NPAS3: variants seen among roughly 807,000 people sequenced by gnomAD.
The protein encoded by NPAS3 is neuronal PAS domain protein 3.
Under a neutral mutation model 73.1 loss-of-function variants are expected in NPAS3, and 14 were observed. The observed-to-expected ratio is 0.19, with a 90% CI of 0.13 to 0.30. The LOEUF (loss-of-function observed/expected upper bound fraction) is 0.30. NPAS3 is among the 10% of genes least tolerant of loss of function. The pLI is 1.00. For synonymous variants in NPAS3, 620 were observed against 541.5 expected (o/e 1.14, Z -2.01); for missense variants, 1,096 against 1,250.0 (o/e 0.88, Z 1.86).
At chr14:33,052,316 C>T (rs1174487100) in intron 1 of NPAS3, among the ~76,000 whole-genome samples, 2 of 152,138 alleles carry the variant, frequency 1.3e-5, no homozygotes, top group Non-Finnish European at 2.9e-5. Context: ...GGTAGCTTAT[C>T]TTCCCTGATA....
chr14:32,946,340 A>ACG (rs1424763574), intron 1 of NPAS3, among the ~76,000 whole-genome samples: 4 of 98,756 alleles, frequency 4.1e-5, no homozygotes, highest in Admixed American at 1.2e-4. Context: ...CCCAACACAC[A>ACG]CACACGCGCA....
chr14:33,312,277 A>G (rs2043033235), intron 3 of NPAS3, among the ~76,000 whole-genome samples: 1 of 152,094 alleles, frequency 6.6e-6, no homozygotes, highest in African/African-American at 2.4e-5. Context: ...CCTTCGAGTT[A>G]TCTTTAGACT....
intron 3 of NPAS3, among the ~76,000 whole-genome samples, chr14:33,279,592 G>C (rs2041498092): frequency 6.6e-6 from 1 of 152,112 alleles, no homozygotes; most frequent in Admixed American, 6.6e-5. Flanking sequence ...TAGACATACT[G>C]AATCAGATTC....
intron 5 of NPAS3, among the ~76,000 whole-genome samples, chr14:33,625,702 C>G (rs898636450): frequency 9.9e-5 from 15 of 152,216 alleles, no homozygotes; most frequent in African/African-American, 3.4e-4. Context: ...CTGATTAATT[C>G]TATAAGCAAC....
chr14:33,123,353 C>A (rs148328096), intron 2 of NPAS3, among the ~76,000 whole-genome samples: 2 of 151,966 alleles, frequency 1.3e-5, no homozygotes, highest in African/African-American at 4.8e-5. Context: ...ACAAGAGCAC[C>A]GTGTCAGGGA....
chr14:33,179,692 G>T (rs555345958), intron 2 of NPAS3, among the ~76,000 whole-genome samples: 1 of 152,074 alleles, frequency 6.6e-6, no homozygotes, highest in African/African-American at 2.4e-5. Flanking sequence ...TACAACTAAA[G>T]AATACCATAC....
intron 3 of NPAS3, among the ~76,000 whole-genome samples, chr14:33,241,887 C>T (rs1327584971): frequency 1.3e-5 from 2 of 151,988 alleles, no homozygotes; most frequent in Non-Finnish European, 2.9e-5. Flanking sequence ...GCATTTAAAA[C>T]TTTGCATGGT....
chr14:33,128,236 G>A lies in NPAS3; in HGVS notation c.140+72242G>A, dbSNP rs191329145. ...AACGAATAAAAGCAAAGACAAAACA[G>A]ATAATAAGTAATCAAATTGGTTTAT... On this transcript the variant is annotated intron_variant, in intron 2 of 11. Coordinates refer to ENST00000356141, the Ensembl canonical transcript of NPAS3. Among the ~76,000 whole-genome samples the A allele has an allele frequency of 3.3e-5, 5 of 152,238 alleles. No homozygotes were observed. The East Asian group carries it at 7.7e-4, about 24-fold the overall frequency.
intron 1 of NPAS3, among the ~76,000 whole-genome samples, chr14:32,948,612 A>G (rs943771202): frequency 6.6e-6 from 1 of 152,088 alleles, no homozygotes; most frequent in Non-Finnish European, 1.5e-5. Context: ...GCATATGATT[A>G]TGGTTCAAAA....
chr14:33,685,379 C>A (rs2060060962), intron 6 of NPAS3, among the ~76,000 whole-genome samples: 2 of 152,204 alleles, frequency 1.3e-5, no homozygotes, highest in Admixed American at 6.5e-5. Flanking sequence ...TATTTAGGAA[C>A]ACATTGCTTT....
intron 2 of NPAS3, among the ~76,000 whole-genome samples, chr14:33,093,682 G>T (rs767610495): frequency 2.6e-5 from 4 of 152,008 alleles, no homozygotes; most frequent in African/African-American, 9.7e-5. Context: ...ATGTTTATTG[G>T]GGCACTATTC....
At chr14:33,438,272 C>A (rs1023634077) in intron 4 of NPAS3, among the ~76,000 whole-genome samples, 1 of 152,140 alleles carries the variant, frequency 6.6e-6, no homozygotes, top group East Asian at 1.9e-4. Context: ...CATACTCTTA[C>A]CCCATTTTTA....
chr14:33,305,677 A>G (rs1216316043), intron 3 of NPAS3, among the ~76,000 whole-genome samples: 1 of 152,154 alleles, frequency 6.6e-6, no homozygotes, highest in Non-Finnish European at 1.5e-5. Flanking sequence ...TAGCCTTCTA[A>G]AAAGTCACCA....
intron 3 of NPAS3, among the ~76,000 whole-genome samples, chr14:33,315,361 T>C (rs1197178387): frequency 1.3e-5 from 2 of 152,076 alleles, no homozygotes; most frequent in Non-Finnish European, 2.9e-5. Context: ...TAATAGATTC[T>C]TTATTGTGTT....
At chr14:33,524,089 C>T (rs2053682495) in intron 4 of NPAS3, among the ~76,000 whole-genome samples, 1 of 152,088 alleles carries the variant, frequency 6.6e-6, no homozygotes, top group African/African-American at 2.4e-5. Flanking sequence ...GTTATCTTTT[C>T]ATATTTTGCT....
intron 3 of NPAS3, among the ~76,000 whole-genome samples, chr14:33,252,764 A>T (rs2048636539): frequency 6.6e-6 from 1 of 151,882 alleles, no homozygotes; most frequent in South Asian, 2.1e-4. Context: ...TGTACCCAAT[A>T]GGTAATTGTG....
rs2042362822 is a variant in NPAS3 at position 33,095,110 on chromosome 14, G to A, written c.140+39116G>A. On this transcript the variant is annotated intron_variant, in intron 2 of 11. Coordinates refer to ENST00000356141, the Ensembl canonical transcript of NPAS3. ...CAGAGTTCCAGATGACCATCAAAGTGACATTTAAAAATATTGCTAGTCTGA... is the reference window on the plus strand; with the variant it reads ...CAGAGTTCCAGATGACCATCAAAGTAACATTTAAAAATATTGCTAGTCTGA... Among the ~76,000 whole-genome samples the A allele has an allele frequency of 2.0e-5, 3 of 152,298 alleles. No homozygotes were observed. In the South Asian group the frequency reaches 6.2e-4, roughly 32 times the overall value.
At chr14:33,180,991 T>G (rs889131094) in intron 2 of NPAS3, among the ~76,000 whole-genome samples, 4 of 152,058 alleles carry the variant, frequency 2.6e-5, no homozygotes, top group African/African-American at 9.7e-5. Flanking sequence ...TTCCCACCAC[T>G]CTGATTTCAT....
chr14:33,567,228 A>G (rs1291581678), intron 5 of NPAS3, among the ~76,000 whole-genome samples: 2 of 152,170 alleles, frequency 1.3e-5, no homozygotes, highest in East Asian at 3.9e-4. Flanking sequence ...TCAGTTCACC[A>G]TATTCAACCC....
Sources: allele counts gnomAD v4.1 joint callset (sites outside exome capture counted in the v4.1 genomes callset), GRCh38; gene constraint gnomAD v4.1.1; transcripts MANE v1.5; gene names NCBI Gene and HGNC (gene_info 2026-07-23, HGNC 2026-07-21).